TMEM161A: variants seen among roughly 807,000 people sequenced by gnomAD.
TMEM161A encodes transmembrane protein 161A.
In TMEM161A, 46 loss-of-function variants were observed where a neutral mutation model predicts 57.1. The observed-to-expected ratio is 0.81, with a 90% CI of 0.64 to 1.03. TMEM161A has a LOEUF of 1.03. Among genes scored for constraint, TMEM161A ranks in the 50% least tolerant of loss-of-function variants. The pLI is 0.00. For missense variants in TMEM161A, 601 were observed against 621.5 expected (o/e 0.97, Z 0.35); for synonymous variants, 288 against 279.0 (o/e 1.03, Z -0.32).
chr19:19,120,077 T>A lies in TMEM161A; in HGVS notation c.1293A>T (p.Ala431=). 6.3e-7 allele frequency: 1 copy of A among 1,589,942 alleles called. No individual in the cohort carries two copies. Residue 431 remains alanine (A), a synonymous_variant, in exon 12 of 12, where the codon GCA becomes GCT. Transcript: ENST00000162044. ...GSGEDEVQQT[A]ARIAGALGGL... is the part of the protein sequence containing the mutation. ...CACCCAGAGCCCCGGCAATCCGCGC[T>A]GCAGTCTGCTGGACTTCGTCCTCCC...
At chr19:19,128,472 C>T (rs990800613) in intron 6 of TMEM161A, among the ~76,000 whole-genome samples, 8 of 151,240 alleles carry the variant, frequency 5.3e-5, no homozygotes, top group African/African-American at 1.7e-4. Context: ...CCTTGTGATC[C>T]GCCTGCCTTG....
chr19:19,119,613 C>A lies in TMEM161A; in HGVS notation c.*317G>T. 2.7e-6 allele frequency: 1 copy of A among 368,480 alleles called. No individual in the cohort carries two copies. Among genetic ancestry groups the A allele is most frequent in the Non-Finnish European group, 5.2e-6 (1 of 193,688 alleles). 22.8% of individuals were successfully genotyped at this position (368,480 alleles called of 1,614,324 possible). A position where few individuals can be genotyped will look rare whatever the true frequency, so the allele number is the denominator to read the frequency against. The stretch of plus-strand genomic sequence containing the variant: ...AGCCCGAGTCCCAAACCACTCAGAC[C>A]CTGTTTGTAAAAATCGGCATGCTCC... On this transcript the variant is annotated 3_prime_UTR_variant, in exon 12 of 12. Coordinates refer to ENST00000162044, the MANE Select transcript of TMEM161A (RefSeq NM_017814.3).
Position 19,132,985 on chromosome 19 carries a change from G to A in TMEM161A, c.188+145C>T, listed in dbSNP as rs919053617. On this transcript the variant is annotated intron_variant, in intron 3 of 11. Coordinates refer to ENST00000162044, the MANE Select transcript of TMEM161A (RefSeq NM_017814.3). The surrounding 1 kb of genome is among the most constrained non-coding windows in gnomAD (Gnocchi z 4.3). ...CCATCTCCTTGGACTAGGGTCTCCC[G>A]GTTCACCTGTGCCCAGATCAGCGCC... The A allele has an allele frequency of 1.2e-4, 91 of 774,752 alleles. No homozygotes were observed. In the African/African-American group the frequency reaches 1.3e-3, roughly 11 times the overall value. The allele number at this position is 774,752 out of a possible 1,614,324, so 48.0% of individuals were successfully genotyped here. A position where few individuals can be genotyped will look rare whatever the true frequency, so the allele number is the denominator to read the frequency against.
rs1052382015 is a variant in TMEM161A at position 19,119,655 on chromosome 19, A to G, written c.*275T>C. 13 of 501,966 alleles carry G rather than the reference A, an allele frequency of 2.6e-5. No homozygotes were observed. The highest frequency in any genetic ancestry group is 4.3e-5 in the Non-Finnish European group (12 of 276,354). 31.1% of individuals were successfully genotyped at this position (501,966 alleles called of 1,614,324 possible). A position where few individuals can be genotyped will look rare whatever the true frequency, so the allele number is the denominator to read the frequency against. The stretch of plus-strand genomic sequence containing the variant: ...GCATGCTCCTTTATTTGTTCAGAAG[A>G]GCAGCCAGCATCACCCTTGCCACTC... On this transcript the variant is annotated 3_prime_UTR_variant, in exon 12 of 12. Coordinates refer to ENST00000162044, the MANE Select transcript of TMEM161A (RefSeq NM_017814.3).
At position 19,132,683 on chromosome 19, in the gene TMEM161A, C is replaced by T; in HGVS notation, c.260G>A (p.Cys87Tyr). ...PRDAPFQLETCPLTTVDALVL... is the reference protein window; with the variant it reads ...PRDAPFQLETYPLTTVDALVL... The stretch of plus-strand genomic sequence containing the variant: ...CAGGGCATCCACGGTCGTGAGGGGG[C>T]AGGTCTCCAGCTGGAACGGGGCATC... Residue 87 changes from cysteine to tyrosine, a missense_variant, in exon 4 of 12, where the codon TGC becomes TAC. Cys to Tyr is a radical substitution (Grantham distance 194, BLOSUM62 -2). Transcript: ENST00000162044. This position sits in a 1 kb window ranked among gnomAD's most constrained non-coding sequence, Gnocchi z 4.3. 1 of 1,578,442 alleles carries T rather than the reference C, an allele frequency of 6.3e-7. No homozygotes were observed. Among genetic ancestry groups the T allele is most frequent in the East Asian group, 2.3e-5 (1 of 44,406 alleles).
intron 6 of TMEM161A, among the ~76,000 whole-genome samples, chr19:19,127,473 C>G (rs1350053958): frequency 6.6e-6 from 1 of 151,944 alleles, no homozygotes; most frequent in Non-Finnish European, 1.5e-5. Context: ...GTACCCGCCA[C>G]CACACCCGGC....
rs373841049 is a variant in TMEM161A at position 19,134,828 on chromosome 19, C to T, written c.63G>A (p.Leu21=). Residue 21 remains leucine (L), a synonymous_variant, in exon 2 of 12, where the codon CTG becomes CTA. Transcript: ENST00000162044. ...TLLTATLMHR[L]APHCSFARWL... The stretch of plus-strand genomic sequence containing the variant: ...AGCGCGCGAAGGAGCAGTGTGGCGC[C>T]AGCCTGTGCATGAGGGTGGCAGTGA... 1.3e-6 allele frequency: 2 copies of T among 1,597,588 alleles called. No individual in the cohort carries two copies. Among genetic ancestry groups the T allele is most frequent in the Non-Finnish European group, 1.7e-6 (2 of 1,173,058 alleles).
intron 1 of TMEM161A, among the ~76,000 whole-genome samples, chr19:19,136,936 C>G (rs1257498936): frequency 6.6e-6 from 1 of 151,400 alleles, no homozygotes; most frequent in Non-Finnish European, 1.5e-5. Context: ...CCCTAGGACC[C>G]TGCCCTCCCA....
chr19:19,135,029 A>G (rs1599712023), intron 1 of TMEM161A, 142 bp from the exon 2 acceptor site: 2 of 633,668 alleles, frequency 3.2e-6, no homozygotes, highest in African/African-American at 1.8e-5. Context: ...TTCTTAGGGG[A>G]GAGTCCTGGG....
chr19:19,138,352 T>C, intron 1 of TMEM161A, 74 bp downstream of exon 1: 2 of 1,561,614 alleles, frequency 1.3e-6, no homozygotes, highest in South Asian at 2.3e-5. Flanking sequence ...ATCCATTCCC[T>C]CAGTGTCTCC....
intron 6 of TMEM161A, among the ~76,000 whole-genome samples, chr19:19,128,213 C>T (rs985292598): frequency 1.3e-5 from 2 of 148,456 alleles, no homozygotes; most frequent in Non-Finnish European, 3.0e-5. Context: ...GATGGTTGCA[C>T]GACATCTAAA....
At position 19,119,641 on chromosome 19, in the gene TMEM161A, T is replaced by C; in HGVS notation, c.*289A>G. ...GTTTGTAAAAATCGGCATGCTCCTTTATTTGTTCAGAAGAGCAGCCAGCAT... is the reference window on the plus strand; with the variant it reads ...GTTTGTAAAAATCGGCATGCTCCTTCATTTGTTCAGAAGAGCAGCCAGCAT... On this transcript the variant is annotated 3_prime_UTR_variant, in exon 12 of 12. Transcript: ENST00000162044. 4.4e-6 allele frequency: 2 copies of C among 452,266 alleles called. No homozygotes were observed. Among genetic ancestry groups the C allele is most frequent in the South Asian group, 5.6e-5 (2 of 35,724 alleles). The allele number at this position is 452,266 out of a possible 1,614,324, so 28.0% of individuals were successfully genotyped here.
In TMEM161A at chr19:19,121,782, C is replaced by T. The variant is rs1172177967; in HGVS notation, c.633G>A (p.Leu211=). 3.7e-6 allele frequency: 6 copies of T among 1,614,038 alleles called. No homozygotes were observed. The highest frequency in any genetic ancestry group is 1.1e-5 in the South Asian group (1 of 91,088). ...ASMTQNLEPL[L]KKQGWDWALP... is the part of the protein sequence containing the mutation. ...ACGCCCAGTCCCAGCCCTGCTTCTTCAGAAGTGGCTCTAAGTTCTGGGTCA... is the reference window on the plus strand; with the variant it reads ...ACGCCCAGTCCCAGCCCTGCTTCTTTAGAAGTGGCTCTAAGTTCTGGGTCA... The change falls in exon 7 of 12, where the codon CTG becomes CTA. Residue 211 remains leucine, a synonymous_variant. Transcript: ENST00000162044. The surrounding 1 kb of genome is among the most constrained non-coding windows in gnomAD (Gnocchi z 5.8).
At chr19:19,130,071 G>A (rs140785952) in intron 6 of TMEM161A, 85 bp downstream of exon 6, 1 of 1,519,426 alleles carries the variant, frequency 6.6e-7, no homozygotes, top group Non-Finnish European at 8.9e-7. Flanking sequence ...TACTCGTGCT[G>A]GACACGGAGC....
intron 6 of TMEM161A, among the ~76,000 whole-genome samples, chr19:19,127,316 CTTTTTTTTTTT>C (rs151128285): frequency 1.4e-5 from 1 of 73,290 alleles, no homozygotes; most frequent in Non-Finnish European, 2.6e-5. Context: ...AGTGTTCAGT[CTTTTTTTTTTT>C]TTTTTTTTTT....
chr19:19,134,836 G>GC lies in TMEM161A; in HGVS notation c.54dup (p.His19AlafsTer16). The GC allele has an allele frequency of 6.3e-7, 1 of 1,599,274 alleles. No individual in the cohort carries two copies. The highest frequency in any genetic ancestry group is 8.5e-7 in the Non-Finnish European group (1 of 1,173,682). The stretch of plus-strand genomic sequence containing the variant: ...AAGGAGCAGTGTGGCGCCAGCCTGT[G>GC]CATGAGGGTGGCAGTGAGCAGGGTC... On this transcript the variant is annotated frameshift_variant, in exon 2 of 12. Coordinates refer to ENST00000162044, the MANE Select transcript of TMEM161A (RefSeq NM_017814.3). LOFTEE classifies it high-confidence loss of function.
chr19:19,134,777 G>A lies in TMEM161A; in HGVS notation c.107+7C>T, dbSNP rs767687264. The A allele has an allele frequency of 3.2e-6, 5 of 1,556,430 alleles. No homozygotes were observed. The Admixed American group carries it at 9.6e-5, about 30-fold the overall frequency. On this transcript the variant is annotated splice_region_variant and intron_variant, in intron 2 of 11. Coordinates refer to ENST00000162044, the MANE Select transcript of TMEM161A (RefSeq NM_017814.3). ...CGGGCCCCTCCCACCGCCGGGGCGG[G>A]GCTCACCTGCCGTTACAGAGCAGCC...
chr19:19,133,397 G>A, intron 2 of TMEM161A, 187 bp from the exon 3 acceptor site: 2 of 578,094 alleles, frequency 3.5e-6, no homozygotes, highest in South Asian at 2.3e-5. Context: ...GGCTGAGTGG[G>A]CTCCGGGGGC....
chr19:19,128,258 C>G (rs1266451911), intron 6 of TMEM161A, among the ~76,000 whole-genome samples: 2 of 133,680 alleles, frequency 1.5e-5, no homozygotes, highest in Non-Finnish European at 3.1e-5. Context: ...TTGAGATGGA[C>G]TCTTGCTCTG....
Sources: gnomAD v4.1 joint callset for allele counts (sites outside exome capture counted in the v4.1 genomes callset) on GRCh38, gnomAD v4.1.1 for gene constraint, Gnocchi (gnomAD v3.1) non-coding constraint, MANE v1.5 for transcripts, NCBI Gene and HGNC (gene_info 2026-07-23, HGNC 2026-07-21) for gene names.